The following MICU1 variants were observed in gnomAD, a reference collection of about 807,000 sequenced individuals.
The protein encoded by MICU1 is mitochondrial calcium uptake 1, also known as calcium uptake protein 1, mitochondrial.
Under a neutral mutation model 56.8 loss-of-function variants are expected in MICU1, and 45 were observed. That is an observed-to-expected ratio of 0.79 (90% CI 0.62 to 1.02). The LOEUF (loss-of-function observed/expected upper bound fraction) is 1.02. Among genes scored for constraint, MICU1 ranks in the 50% least tolerant of loss-of-function variants. The probability of loss-of-function intolerance (pLI) is 0.00; values close to 1 mark genes in which losing one functional copy is unlikely to be tolerated. For missense variants in MICU1, 504 were observed against 587.1 expected (o/e 0.86, Z 1.46); for synonymous variants, 186 against 195.1 (o/e 0.95, Z 0.39).
At chr10:72,393,973 T>C (rs1863164168) in intron 10 of MICU1, among the ~76,000 whole-genome samples, 1 of 152,200 alleles carries the variant, frequency 6.6e-6, no homozygotes, top group Non-Finnish European at 1.5e-5. Flanking sequence ...TTCACCATGT[T>C]GGCCAGGATG....
At chr10:72,376,917 G>A (rs767683567) in intron 10 of MICU1, among the ~76,000 whole-genome samples, 11 of 151,188 alleles carry the variant, frequency 7.3e-5, no homozygotes, top group Non-Finnish European at 1.6e-4. Context: ...TATATAAATG[G>A]GTGGTGGGAA....
At position 72,459,288 on chromosome 10, in the gene MICU1, A is replaced by G. The variant is rs1427983090; in HGVS notation, c.933+15812T>C. Among the ~76,000 whole-genome samples the G allele has an allele frequency of 7.2e-5, 11 of 152,266 alleles. 1 individual carries two copies. In the South Asian group the frequency reaches 2.3e-3, roughly 32 times the overall value. On this transcript the variant is annotated intron_variant, in intron 8 of 11. Transcript: ENST00000361114. ...GGAGGTTGCAGTGAGCCGAGATCAC[A>G]CCACTGCACTCCAGCCTGGGCGGCA...
At chr10:72,380,536 T>C (rs1055582517) in intron 10 of MICU1, among the ~76,000 whole-genome samples, 5 of 152,118 alleles carry the variant, frequency 3.3e-5, no homozygotes, top group Non-Finnish European at 5.9e-5. Flanking sequence ...TGATATAATA[T>C]CAGAAACTAC....
intron 10 of MICU1, among the ~76,000 whole-genome samples, chr10:72,384,940 T>G (rs988131240): frequency 2.6e-5 from 4 of 152,180 alleles, no homozygotes; most frequent in African/African-American, 9.7e-5. Context: ...TGTTGTAATC[T>G]CTTCCTTACA....
chr10:72,585,048 A>G (rs1170586187), intron 1 of MICU1, among the ~76,000 whole-genome samples: 2 of 148,074 alleles, frequency 1.4e-5, no homozygotes, highest in Non-Finnish European at 3.0e-5. Flanking sequence ...ACCATTTTTT[A>G]CTCTCCACCT....
At chr10:72,497,293 C>T (rs1589278794) in intron 6 of MICU1, among the ~76,000 whole-genome samples, 1 of 151,346 alleles carries the variant, frequency 6.6e-6, no homozygotes, top group Non-Finnish European at 1.5e-5. Context: ...CTCCTGACCT[C>T]GTGATCCACC....
At chr10:72,419,214 G>A (rs914023858) in intron 9 of MICU1, among the ~76,000 whole-genome samples, 1 of 152,172 alleles carries the variant, frequency 6.6e-6, no homozygotes, top group African/African-American at 2.4e-5. Flanking sequence ...AAATAAACGA[G>A]CATGTCTGAA....
intron 10 of MICU1, among the ~76,000 whole-genome samples, chr10:72,396,255 C>T (rs190097023): frequency 3.3e-5 from 5 of 152,196 alleles, no homozygotes; most frequent in Admixed American, 6.5e-5. Flanking sequence ...ACAAAAAGGA[C>T]GTCCACACCA....
At chr10:72,505,505 T>C (rs937826944) in intron 6 of MICU1, among the ~76,000 whole-genome samples, 1 of 152,162 alleles carries the variant, frequency 6.6e-6, no homozygotes, top group South Asian at 2.1e-4. Flanking sequence ...AAAAGACACA[T>C]GCACTTGTAT....
At chr10:72,462,772 A>G (rs922149155) in intron 8 of MICU1, among the ~76,000 whole-genome samples, 1 of 152,214 alleles carries the variant, frequency 6.6e-6, no homozygotes, top group African/African-American at 2.4e-5. Context: ...GAGCTTATTC[A>G]TAAGTTGAGA....
intron 5 of MICU1, among the ~76,000 whole-genome samples, chr10:72,526,541 C>T (rs1458123755): frequency 6.6e-6 from 1 of 152,194 alleles, no homozygotes; most frequent in African/African-American, 2.4e-5. Flanking sequence ...AGTGATCTGC[C>T]TGCCTCGGCC....
At chr10:72,441,791 T>C (rs1315105558) in intron 8 of MICU1, among the ~76,000 whole-genome samples, 2 of 151,764 alleles carry the variant, frequency 1.3e-5, no homozygotes, top group Admixed American at 1.3e-4. Context: ...TATTTTTTTG[T>C]ATTTTTAGTA....
At chr10:72,573,469 G>A (rs1840667720) in intron 1 of MICU1, among the ~76,000 whole-genome samples, 1 of 151,846 alleles carries the variant, frequency 6.6e-6, no homozygotes, top group Non-Finnish European at 1.5e-5. Flanking sequence ...GGTGGGAGTT[G>A]GAAATAAGAT....
intron 2 of MICU1, among the ~76,000 whole-genome samples, chr10:72,565,995 T>G (rs2132473861): frequency 6.6e-6 from 1 of 151,536 alleles, no homozygotes. Flanking sequence ...TTTGTTAATT[T>G]CACAGGGTCA....
intron 9 of MICU1, among the ~76,000 whole-genome samples, chr10:72,410,555 G>A (rs1219511121): frequency 2.0e-5 from 3 of 152,178 alleles, no homozygotes; most frequent in Non-Finnish European, 4.4e-5. Context: ...GGAGGCAGAG[G>A]TTGCAGTGAG....
intron 1 of MICU1, among the ~76,000 whole-genome samples, chr10:72,597,686 A>G (rs867869871): frequency 7.2e-5 from 11 of 152,182 alleles, no homozygotes; most frequent in Admixed American, 1.3e-4. Context: ...TGCTTCATAT[A>G]TACCTTATAC....
chr10:72,546,892 ATTT>A lies in MICU1; in HGVS notation c.493+4284_493+4286del, dbSNP rs1231508780. Among the ~76,000 whole-genome samples the A allele has an allele frequency of 1.1e-3, 156 of 138,478 alleles. 1 individual carries two copies. The highest frequency in any genetic ancestry group is 0.011 in the Middle Eastern group (3 of 276). The allele number at this position is 138,478 out of a possible 152,430, so 90.8% of individuals were successfully genotyped here. On this transcript the variant is annotated intron_variant, in intron 4 of 11. Coordinates refer to ENST00000361114, the MANE Select transcript of MICU1 (RefSeq NM_001195518.2). ...AGGCACAAGCCACCACGCTCGTCTAATTTTTTTTTTTTTTTTTGAGATGGAGTC... is the reference window on the plus strand; with the variant it reads ...AGGCACAAGCCACCACGCTCGTCTAATTTTTTTTTTTTTTGAGATGGAGTC...
chr10:72,374,678 G>A (rs1305831387), intron 11 of MICU1, among the ~76,000 whole-genome samples: 1 of 152,022 alleles, frequency 6.6e-6, no homozygotes, highest in Non-Finnish European at 1.5e-5. Flanking sequence ...AATTCCATTA[G>A]CCCAGCTTTC....
chr10:72,424,646 C>T (rs1167150041), intron 8 of MICU1, among the ~76,000 whole-genome samples: 1 of 152,056 alleles, frequency 6.6e-6, no homozygotes, highest in East Asian at 1.9e-4. Context: ...GCCTACAGAG[C>T]AGCTACTATT....
Sources: gnomAD v4.1 joint callset for allele counts (sites outside exome capture counted in the v4.1 genomes callset) on GRCh38, gnomAD v4.1.1 for gene constraint, MANE v1.5 for transcripts, NCBI Gene and HGNC (gene_info 2026-07-23, HGNC 2026-07-21) for gene names.